The following USP47 variants were observed in gnomAD, a reference collection of about 807,000 sequenced individuals.
USP47 encodes ubiquitin specific peptidase 47, also known as ubiquitin carboxyl-terminal hydrolase 47.
A neutral mutation model predicts 165.1 loss-of-function variants in USP47; 35 were observed. The observed-to-expected ratio is 0.21, with a 90% confidence interval of 0.16 to 0.28. The LOEUF is 0.28. Ranked by LOEUF, USP47 falls within the 10% of genes least tolerant of loss-of-function variation. USP47 has a pLI of 1.00. For missense variants in USP47, 1,277 were observed against 1,607.4 expected, an observed-to-expected ratio of 0.79 and a Z score of 3.52; for synonymous variants, 531 against 544.5, an observed-to-expected ratio of 0.98 and a Z score of 0.35.
rs1480365819 is a variant in USP47, at chr11:11,960,374, A to G, written c.*4199A>G. Among the ~76,000 whole-genome samples, 1 of 152,224 alleles carries G rather than the reference A, an allele frequency of 6.6e-6. No homozygotes were observed. Among genetic ancestry groups the G allele is most frequent in the East Asian group, 1.9e-4 (1 of 5,190 alleles). ...AGGTAGATGCCCTGCAGGTCCTATC[A>G]GCAAAGGACCCAACTCCTAACAGCA... On this transcript the variant is annotated 3_prime_UTR_variant, in exon 28 of 28. Transcript: ENST00000527733.
intron 11 of USP47, among the ~76,000 whole-genome samples, chr11:11,927,979 A>G (rs1854376301): frequency 6.6e-6 from 1 of 152,068 alleles, no homozygotes; most frequent in Non-Finnish European, 1.5e-5. Flanking sequence ...CTAATTTGGA[A>G]GGTGATTCAG....
chr11:11,921,827 T>C (rs1853859482), intron 10 of USP47, among the ~76,000 whole-genome samples: 1 of 151,914 alleles, frequency 6.6e-6, no homozygotes, highest in Non-Finnish European at 1.5e-5. Flanking sequence ...TGAAGAAGTT[T>C]CAGGAATTAT....
In USP47 at chr11:11,881,860, G is replaced by A. The variant is rs188313167; in HGVS notation, c.243+1480G>A. Among the ~76,000 whole-genome samples, 270 of 152,146 alleles carry A rather than the reference G, an allele frequency of 1.8e-3. 1 individual carries two copies. The highest frequency in any genetic ancestry group is 2.3e-3 in the Non-Finnish European group (154 of 67,994). Reference sequence around the variant, plus strand: ...CCTAATCAGCTCCTAAGGCCCCAACGCTTAATATCATTGCATTGGGGATTA... The same window carrying A: ...CCTAATCAGCTCCTAAGGCCCCAACACTTAATATCATTGCATTGGGGATTA... On this transcript the variant is annotated intron_variant, in intron 2 of 27. Coordinates refer to ENST00000527733, the MANE Select transcript of USP47 (RefSeq NM_001282659.2).
rs1188860251 is a variant in USP47 at position 11,936,641 on chromosome 11, G to T, written c.2077+131G>T. On this transcript the variant is annotated intron_variant, in intron 17 of 27. Coordinates refer to ENST00000527733, the MANE Select transcript of USP47 (RefSeq NM_001282659.2). ...CTTAAAATGTAGAATAATTTTGACA[G>T]GTTGAGAAGTACTCAGCAACAGCTT... The T allele has an allele frequency of 4.2e-6, 3 of 706,706 alleles. No individual in the cohort carries two copies. In the East Asian group the frequency reaches 8.7e-5, roughly 21 times the overall value. 43.8% of individuals were successfully genotyped at this position (706,706 alleles called of 1,614,324 possible).
At chr11:11,930,954 A>T (rs776544112) in intron 14 of USP47, among the ~76,000 whole-genome samples, 6 of 152,210 alleles carry the variant, frequency 3.9e-5, no homozygotes, top group Non-Finnish European at 8.8e-5. Flanking sequence ...TTTTTAATAT[A>T]TGAAGAGACA....
At chr11:11,929,629 A>C in intron 12 of USP47, 64 bp downstream of exon 12, 2 of 1,571,382 alleles carry the variant, frequency 1.3e-6, no homozygotes, top group Non-Finnish European at 1.7e-6. Flanking sequence ...TCTAAACAAC[A>C]GTAAAGTTTA....
At chr11:11,846,733 C>T (rs879393464) in intron 1 of USP47, among the ~76,000 whole-genome samples, 2 of 152,102 alleles carry the variant, frequency 1.3e-5, no homozygotes, top group Non-Finnish European at 2.9e-5. Flanking sequence ...ATTTTTATTT[C>T]TATTGTCTGA....
intron 1 of USP47, among the ~76,000 whole-genome samples, chr11:11,855,998 T>C (rs1849018019): frequency 6.6e-6 from 1 of 152,178 alleles, no homozygotes; most frequent in Non-Finnish European, 1.5e-5. Context: ...TCTGTGAGAA[T>C]GTAATCACAA....
chr11:11,930,829 C>T, intron 14 of USP47, 78 bp downstream of exon 14: 2 of 1,170,378 alleles, frequency 1.7e-6, no homozygotes, highest in Non-Finnish European at 1.2e-6. Flanking sequence ...ACCCAGATAA[C>T]TACTTTTAAA....
At chr11:11,849,423 A>G (rs1364072525) in intron 1 of USP47, among the ~76,000 whole-genome samples, 1 of 152,216 alleles carries the variant, frequency 6.6e-6, no homozygotes, top group African/African-American at 2.4e-5. Context: ...TCTAGTGGGT[A>G]GAAGCCAGGT....
intron 20 of USP47, 198 bp downstream of exon 20, chr11:11,943,310 CTGAGA>C: frequency 2.3e-6 from 1 of 437,274 alleles, no homozygotes; most frequent in Non-Finnish European, 3.9e-6. Context: ...TATCAGAACT[CTGAGA>C]TAAGAAGTAA....
chr11:11,905,345 GT>G (rs1852492035), intron 7 of USP47, 53 bp from the exon 8 acceptor site: 5 of 1,393,640 alleles, frequency 3.6e-6, no homozygotes, highest in Non-Finnish European at 4.9e-6. Flanking sequence ...AATGTTACAT[GT>G]TTTAAAGGTT....
intron 2 of USP47, among the ~76,000 whole-genome samples, chr11:11,881,983 T>C (rs1850862251): frequency 6.6e-6 from 1 of 152,166 alleles, no homozygotes; most frequent in Admixed American, 6.6e-5. Flanking sequence ...AAGAAGACCA[T>C]TGAGTTGGAT....
At chr11:11,884,890 G>C in intron 3 of USP47, among the ~76,000 whole-genome samples, 1 of 152,140 alleles carries the variant, frequency 6.6e-6, no homozygotes, top group East Asian at 1.9e-4. Flanking sequence ...AAGATCTCCT[G>C]TGTTTCAGTA....
chr11:11,955,034 G>C lies in USP47; in HGVS notation c.3763G>C (p.Gly1255Arg). 6.2e-7 allele frequency: 1 copy of C among 1,613,204 alleles called. No individual in the cohort carries two copies. Among genetic ancestry groups the C allele is most frequent in the Non-Finnish European group, 8.5e-7 (1 of 1,179,684 alleles). Residue 1255 changes from glycine (G) to arginine (R), a missense_variant and splice_region_variant, in exon 27 of 28, where the codon GGT becomes CGT. Physicochemically the swap from Gly to Arg is moderately radical, Grantham distance 125. Around this residue, in one of 4 missense-constraint regions of USP47, gnomAD observed 909 missense variants for 1,068.1 expected, o/e 0.85. Transcript: ENST00000527733. ...ATTCATTCATTCTTTTTCTTTTTAGGGTAGAGGAACATTTCCCTGTGATAT... is the reference window on the plus strand; with the variant it reads ...ATTCATTCATTCTTTTTCTTTTTAGCGTAGAGGAACATTTCCCTGTGATAT... ...IPLDDIEFAK[G>R]RGTFPCDISV... is the part of the protein sequence containing the mutation.
At chr11:11,891,530 G>A (rs1220258954) in intron 3 of USP47, among the ~76,000 whole-genome samples, 1 of 152,198 alleles carries the variant, frequency 6.6e-6, no homozygotes, top group Non-Finnish European at 1.5e-5. Context: ...AGGGATTCAT[G>A]TTTTTAAATG....
At chr11:11,877,461 TA>T (rs1164079524) in intron 1 of USP47, among the ~76,000 whole-genome samples, 1 of 152,124 alleles carries the variant, frequency 6.6e-6, no homozygotes, top group Non-Finnish European at 1.5e-5. Flanking sequence ...AATTCAAGAG[TA>T]AAATGTAATT....
At chr11:11,892,380 C>CTTTTTTTTTTTTTTTT (rs1300802562) in intron 4 of USP47, among the ~76,000 whole-genome samples, 10 of 121,136 alleles carry the variant, frequency 8.3e-5, no homozygotes, top group Non-Finnish European at 1.3e-4. Context: ...TTTTAATTTT[C>CTTTTTTTTTTTTTTTT]TTTTTTTTTT....
At chr11:11,865,269 C>G (rs1231432885) in intron 1 of USP47, among the ~76,000 whole-genome samples, 2 of 152,066 alleles carry the variant, frequency 1.3e-5, no homozygotes, top group South Asian at 2.1e-4. Context: ...TCCTTTTCTT[C>G]CCAGTTCTGA....
Sources: gnomAD v4.1 joint callset for allele counts (sites outside exome capture counted in the v4.1 genomes callset) on GRCh38, gnomAD v4.1.1 for gene constraint, gnomAD v4.1.1 regional missense constraint, MANE v1.5 for transcripts, NCBI Gene and HGNC (gene_info 2026-07-23, HGNC 2026-07-21) for gene names.